Variants in ABR observed in about 807,000 individuals in gnomAD.
The protein encoded by ABR is ABR activator of RhoGEF and GTPase.
A neutral mutation model predicts 107.2 loss-of-function variants in ABR; 35 were observed. The observed-to-expected ratio is 0.33, with a 90% CI of 0.25 to 0.43. The LOEUF (loss-of-function observed/expected upper bound fraction) is 0.43. Among genes scored for constraint, ABR ranks in the 20% least tolerant of loss-of-function variants. The pLI, the probability that ABR is intolerant of heterozygous loss-of-function variation, is 1.00. For missense variants in ABR, 815 were observed against 1,115.2 expected, an observed-to-expected ratio of 0.73 and a Z score of 3.83; for synonymous variants, 498 against 462.0, an observed-to-expected ratio of 1.08 and a Z score of -1.00.
intron 2 of ABR, among the ~76,000 whole-genome samples, chr17:1,103,479 C>T (rs2038042239): frequency 6.6e-6 from 1 of 152,200 alleles, no homozygotes; most frequent in African/African-American, 2.4e-5. Flanking sequence ...AAATGCCACA[C>T]CGTGAGCTGT....
chr17:1,180,237 A>G (rs1490851985), upstream of ABR, among the ~76,000 whole-genome samples: 1 of 151,952 alleles, frequency 6.6e-6, no homozygotes, highest in Non-Finnish European at 1.5e-5. Context: ...CGCCGGGCTC[A>G]GCAGGATCCT....
intron 16 of ABR, among the ~76,000 whole-genome samples, chr17:1,042,677 G>T (rs1204390247): frequency 6.6e-6 from 1 of 151,222 alleles, no homozygotes; most frequent in African/African-American, 2.4e-5. Context: ...ATCCACAGAT[G>T]GATGGATAAA....
At position 1,079,788 on chromosome 17, in the gene ABR, CAAAAAAAAAAAAAAAAAAAAAAAA is replaced by C. The variant is rs57412625; in HGVS notation, c.640-422_640-399del. 1.5e-3 allele frequency among the ~76,000 whole-genome samples: 81 copies of C among 55,112 alleles called. 3 individuals carry two copies. The highest frequency in any genetic ancestry group is 4.4e-3 in the African/African-American group (78 of 17,792). 36.2% of individuals were successfully genotyped at this position (55,112 alleles called of 152,430 possible). On this transcript the variant is annotated intron_variant, in intron 5 of 22. Transcript: ENST00000302538. ...TGGGCAACAGGGCGAGACTCTGTCTCAAAAAAAAAAAAAAAAAAAAAAAAAAAAAAAAAAAAAAAGAAAGACAAA... is the reference window on the plus strand; with the variant it reads ...TGGGCAACAGGGCGAGACTCTGTCTCAAAAAAAAAAAAAAAGAAAGACAAA...
intron 1 of ABR, among the ~76,000 whole-genome samples, chr17:1,159,552 G>T (rs62069453): frequency 1.1e-4 from 2 of 18,534 alleles, no homozygotes; most frequent in African/African-American, 3.0e-4. Flanking sequence ...GGGAGAAGTA[G>T]GAATGCGGTA....
At chr17:1,180,107 G>A (rs1489283563), upstream of ABR, among the ~76,000 whole-genome samples, 1 of 151,058 alleles carries the variant, frequency 6.6e-6, no homozygotes, top group East Asian at 2.0e-4. Flanking sequence ...GCCCTCCGCA[G>A]GACGCCCCCG....
At chr17:1,100,872 G>A (rs1183368294) in intron 2 of ABR, 137 bp from the exon 3 acceptor site, 5 of 777,122 alleles carry the variant, frequency 6.4e-6, no homozygotes, top group East Asian at 2.6e-5. Context: ...CACCTAGGCT[G>A]AAGTAAAGTG....
intron 11 of ABR, among the ~76,000 whole-genome samples, chr17:1,058,285 G>A (rs1038137121): frequency 6.6e-6 from 1 of 152,022 alleles, no homozygotes; most frequent in Non-Finnish European, 1.5e-5. Flanking sequence ...GATTACAGGT[G>A]CCCACCACCA....
intron 1 of ABR, among the ~76,000 whole-genome samples, chr17:1,192,732 G>A (rs2042462399): frequency 6.6e-6 from 1 of 152,174 alleles, no homozygotes; most frequent in East Asian, 1.9e-4. Context: ...GGCCAACATG[G>A]TGAAACCCCG....
rs1418601387 is a variant in ABR at position 1,010,927 on chromosome 17, C to A, written c.2102-64G>T. ...GCCAGCAGCCCCGTTCCACCCCCGA[C>A]CCATCCTGACACAGCCCCCACCCAC... On this transcript the variant is annotated intron_variant, in intron 19 of 22. Transcript: ENST00000302538. This position sits in a 1 kb window ranked among gnomAD's most constrained non-coding sequence, Gnocchi z 4.1. The A allele has an allele frequency of 1.3e-6, 2 of 1,595,840 alleles. No homozygotes were observed. Among genetic ancestry groups the A allele is most frequent in the African/African-American group, 1.3e-5 (1 of 74,876 alleles).
At chr17:1,076,475 C>T (rs1488395775) in intron 6 of ABR, among the ~76,000 whole-genome samples, 1 of 152,114 alleles carries the variant, frequency 6.6e-6, no homozygotes, top group Non-Finnish European at 1.5e-5. Flanking sequence ...GCTCAGCAGA[C>T]ACCTGCCAGG....
intron 1 of ABR, among the ~76,000 whole-genome samples, chr17:1,207,470 C>G (rs550523896): frequency 6.6e-6 from 1 of 151,532 alleles, no homozygotes; most frequent in Non-Finnish European, 1.5e-5. Context: ...GCCAACATGG[C>G]GAAACCCCAT....
chr17:1,067,820 G>T (rs576958186), intron 9 of ABR, among the ~76,000 whole-genome samples: 1 of 152,226 alleles, frequency 6.6e-6, no homozygotes, highest in Non-Finnish European at 1.5e-5. Context: ...GTCTGCCATC[G>T]CAAAGGACGA....
chr17:1,079,122 T>A, intron 6 of ABR: 1 of 1,436,248 alleles, frequency 7.0e-7, no homozygotes, highest in Non-Finnish European at 9.1e-7. Flanking sequence ...CGTTTGTAGC[T>A]GGCTGGCTGC....
chr17:1,226,564 GTA>G (rs1229780032), intron 1 of ABR, among the ~76,000 whole-genome samples: 2 of 151,428 alleles, frequency 1.3e-5, no homozygotes, highest in Non-Finnish European at 2.9e-5. Flanking sequence ...AGGTGTGCAG[GTA>G]TGTGTGTGCA....
At chr17:1,100,893 G>A (rs1469506182) in intron 2 of ABR, 158 bp from the exon 3 acceptor site, 4 of 674,268 alleles carry the variant, frequency 5.9e-6, no homozygotes, top group Admixed American at 2.6e-5. Context: ...GCACAATCTC[G>A]GCTCACTGCA....
At chr17:1,212,515 G>C (rs910103098) in intron 1 of ABR, among the ~76,000 whole-genome samples, 1 of 152,210 alleles carries the variant, frequency 6.6e-6, no homozygotes, top group Non-Finnish European at 1.5e-5. Context: ...AGCACTCTGA[G>C]AGGCTGAGGC....
intron 17 of ABR, 146 bp from the exon 18 acceptor site, chr17:1,012,943 C>T (rs1464834213): frequency 1.6e-5 from 17 of 1,059,092 alleles, no homozygotes; most frequent in Non-Finnish European, 2.0e-5. Flanking sequence ...TGCAGGACAG[C>T]AGCGGGCAGG....
intron 1 of ABR, among the ~76,000 whole-genome samples, chr17:1,162,064 G>A (rs1175516555): frequency 6.6e-6 from 1 of 152,168 alleles, no homozygotes; most frequent in Non-Finnish European, 1.5e-5. Context: ...TCCAGGCTCT[G>A]CAATGTTGCA....
chr17:1,178,456 C>CA (rs1372539538), intron 1 of ABR, among the ~76,000 whole-genome samples: 1 of 151,670 alleles, frequency 6.6e-6, no homozygotes, highest in Non-Finnish European at 1.5e-5. Context: ...CCCAGCTACT[C>CA]AGGAGGCTGA....
Sources: allele counts gnomAD v4.1 joint callset (sites outside exome capture counted in the v4.1 genomes callset), GRCh38; gene constraint gnomAD v4.1.1; non-coding constraint Gnocchi (gnomAD v3.1); transcripts MANE v1.5; gene names NCBI Gene and HGNC (gene_info 2026-07-23, HGNC 2026-07-21).